PYROXD1: variants seen among roughly 807,000 people sequenced by gnomAD.
PYROXD1 encodes the protein pyridine nucleotide-disulphide oxidoreductase domain 1, also known as tRNA ligase complex-associated NAD(P)H dehydrogenase PYROXD1.
PYROXD1 carries 42 observed loss-of-function variants against 62.0 expected under a neutral mutation model. The ratio of observed to expected loss-of-function variants is 0.68; its 90% CI spans 0.53 to 0.88. The LOEUF (loss-of-function observed/expected upper bound fraction) is 0.88, where lower values mean the gene tolerates loss of function less well. PYROXD1 is among the 40% of genes least tolerant of loss of function. The probability of loss-of-function intolerance (pLI) is 0.00; values close to 1 mark genes in which losing one functional copy is unlikely to be tolerated. For missense variants in PYROXD1, 493 were observed against 604.8 expected, an observed-to-expected ratio of 0.82 and a Z score of 1.94; for synonymous variants, 170 against 206.4, an observed-to-expected ratio of 0.82 and a Z score of 1.51.
At chr12:21,439,338 A>G (rs1266384047) in intron 1 of PYROXD1, among the ~76,000 whole-genome samples, 1 of 152,272 alleles carries the variant, frequency 6.6e-6, no homozygotes. Flanking sequence ...TTTCAGTAGT[A>G]TAAAGAAGTT....
chr12:21,458,964 G>C (rs1942647545), intron 7 of PYROXD1, among the ~76,000 whole-genome samples: 1 of 152,184 alleles, frequency 6.6e-6, no homozygotes, highest in Admixed American at 6.5e-5. Context: ...CTTGATGTGG[G>C]TTTGTCACAA....
intron 7 of PYROXD1, among the ~76,000 whole-genome samples, chr12:21,459,144 A>G (rs1212521851): frequency 1.3e-5 from 2 of 152,220 alleles, no homozygotes; most frequent in Admixed American, 1.3e-4. Flanking sequence ...TGGCTTCAGA[A>G]TGGGGACTGG....
rs779670412 is a variant in PYROXD1, at chr12:21,467,635, T to C, written c.1254+17T>C. Reference sequence around the variant, plus strand: ...AACTATAAGGTAAGATAGTTAAGCATATTAATGCCTTCTCTGCTTGTTAGT... The same window carrying C: ...AACTATAAGGTAAGATAGTTAAGCACATTAATGCCTTCTCTGCTTGTTAGT... On this transcript the variant is annotated intron_variant, in intron 11 of 11. Transcript: ENST00000240651. 26 of 1,582,412 alleles carry C rather than the reference T, an allele frequency of 1.6e-5. No individual in the cohort carries two copies. The South Asian group carries it at 2.9e-4, about 18-fold the overall frequency.
rs7135390 is a variant in PYROXD1, at chr12:21,445,767, T to C, written c.285+301T>C. On this transcript the variant is annotated intron_variant, in intron 3 of 11. Coordinates refer to ENST00000240651, the MANE Select transcript of PYROXD1 (RefSeq NM_024854.5). Reference sequence around the variant, plus strand: ...ATGCAGTAGGGTTAATACGAGGTGTTGGCTCCTAGGAACTGTCAGTGTCAA... The same window carrying C: ...ATGCAGTAGGGTTAATACGAGGTGTCGGCTCCTAGGAACTGTCAGTGTCAA... Among the ~76,000 whole-genome samples, 94,938 of 151,984 alleles carry C rather than the reference T, an allele frequency of 0.62. 30,633 individuals carry two copies. The highest frequency in any genetic ancestry group is 0.8 in the African/African-American group (33,223 of 41,442).
intron 4 of PYROXD1, among the ~76,000 whole-genome samples, chr12:21,451,174 G>A (rs2215734): frequency 0.49 from 74,797 of 151,244 alleles, 18,529 homozygotes; most frequent in Middle Eastern, 0.58. Flanking sequence ...TGAAGCAGTG[G>A]GACTATTCTA....
intron 3 of PYROXD1, among the ~76,000 whole-genome samples, chr12:21,446,260 A>G (rs907911660): frequency 6.6e-6 from 1 of 152,074 alleles, no homozygotes; most frequent in African/African-American, 2.4e-5. Context: ...TGTCTCTACT[A>G]AAAATACAAA....
At chr12:21,457,236 A>C (rs1033884947) in intron 7 of PYROXD1, 2 of 200,348 alleles carry the variant, frequency 1.0e-5, no homozygotes, top group African/African-American at 4.7e-5. Context: ...ATGCATCACT[A>C]TCTGTGGCAG....
chr12:21,461,745 G>A lies in PYROXD1; in HGVS notation c.881-263G>A, dbSNP rs983268911. Among the ~76,000 whole-genome samples the A allele has an allele frequency of 2.0e-5, 3 of 152,132 alleles. No individual in the cohort carries two copies. The East Asian group carries it at 5.8e-4, about 29-fold the overall frequency. On this transcript the variant is annotated intron_variant, in intron 8 of 11. Transcript: ENST00000240651. Reference sequence around the variant, plus strand: ...TTTAGAAATAATTTAAATGTACTTTGTCAAAATTTATGTGTCCAAATTTGA... The same window carrying A: ...TTTAGAAATAATTTAAATGTACTTTATCAAAATTTATGTGTCCAAATTTGA...
At position 21,469,195 on chromosome 12, in the gene PYROXD1, T is replaced by C. The variant is rs1353825049; in HGVS notation, c.*441T>C. On this transcript the variant is annotated 3_prime_UTR_variant, in exon 12 of 12. Coordinates refer to ENST00000240651, the MANE Select transcript of PYROXD1 (RefSeq NM_024854.5). ...AGAGATGTAGCAATATCTCGTTTGC[T>C]AATATTTATATTGATGACTTACTCC... 2 of 162,808 alleles carry C rather than the reference T, an allele frequency of 1.2e-5. No individual in the cohort carries two copies. The highest frequency in any genetic ancestry group is 4.8e-5 in the African/African-American group (2 of 41,456). 10.1% of individuals were successfully genotyped at this position (162,808 alleles called of 1,614,324 possible). A position where few individuals can be genotyped will look rare whatever the true frequency, so the allele number is the denominator to read the frequency against.
At chr12:21,448,156 A>G in intron 3 of PYROXD1, 2 of 678,100 alleles carry the variant, frequency 2.9e-6, no homozygotes, top group South Asian at 1.5e-5. Flanking sequence ...CCATCAGATG[A>G]TATCAATTTC....
chr12:21,468,646 C>A lies in PYROXD1; in HGVS notation c.1395C>A (p.Thr465=). The stretch of plus-strand genomic sequence containing the variant: ...TGGGAGCTGTCTTAATTGGTGAAAC[C>A]GATTTAGAAGAAACATTTGAAAACC... ...RMMGAVLIGE[T]DLEETFENLI... The change falls in exon 12 of 12, where the codon ACC becomes ACA. Residue 465 remains threonine (T), a synonymous_variant. Transcript: ENST00000240651. 6.2e-7 allele frequency: 1 copy of A among 1,612,726 alleles called. No individual in the cohort carries two copies. The highest frequency in any genetic ancestry group is 8.5e-7 in the Non-Finnish European group (1 of 1,179,248).
chr12:21,460,517 G>A (rs898005171), intron 7 of PYROXD1, among the ~76,000 whole-genome samples: 8 of 151,372 alleles, frequency 5.3e-5, no homozygotes, highest in African/African-American at 1.2e-4. Context: ...TCTGCCTCCC[G>A]GGTTCAAGCG....
chr12:21,437,812 C>T lies in PYROXD1; in HGVS notation c.82C>T (p.Gln28Ter). ...GGIAGVTCAE[Q>*]LATHFPSEDI... ...CATCGCGGGCGTCACTTGTGCGGAG[C>T]AGGTAGGGCGGTGCTCAGGCGGTTC... The change falls in exon 1 of 12, where the codon CAG (glutamine) becomes TAG (stop). Residue 28 changes from glutamine to a stop codon, truncating the protein, a stop_gained and splice_region_variant. Transcript: ENST00000240651. LOFTEE classifies it high-confidence loss of function. 1 of 1,612,160 alleles carries T rather than the reference C, an allele frequency of 6.2e-7. No homozygotes were observed. Among genetic ancestry groups the T allele is most frequent in the South Asian group, 1.1e-5 (1 of 90,468 alleles).
chr12:21,444,936 G>A (rs770378660), intron 2 of PYROXD1, among the ~76,000 whole-genome samples: 25 of 152,212 alleles, frequency 1.6e-4, no homozygotes, highest in Non-Finnish European at 2.9e-4. Flanking sequence ...AGGAAAGTGA[G>A]TCTAGAATAC....
At chr12:21,464,692 T>C (rs982825596) in intron 10 of PYROXD1, among the ~76,000 whole-genome samples, 17 of 150,212 alleles carry the variant, frequency 1.1e-4, no homozygotes, top group African/African-American at 4.2e-4. Flanking sequence ...GATCTGTTGA[T>C]ATTAAAATCC....
Position 21,440,460 on chromosome 12 carries a change from T to C in PYROXD1, c.165+12T>C, listed in dbSNP as rs760969421. The C allele has an allele frequency of 6.8e-7, 1 of 1,467,286 alleles. No individual in the cohort carries two copies. The highest frequency in any genetic ancestry group is 9.4e-7 in the Non-Finnish European group (1 of 1,063,564). The allele number at this position is 1,467,286 out of a possible 1,614,324, so 90.9% of individuals were successfully genotyped here. Reference sequence around the variant, plus strand: ...CAAATTTCAAGCAGGTAAGAACCTTTGTATAACTTGTTAATATTAATTTGA... The same window carrying C: ...CAAATTTCAAGCAGGTAAGAACCTTCGTATAACTTGTTAATATTAATTTGA... On this transcript the variant is annotated intron_variant, in intron 2 of 11. Coordinates refer to ENST00000240651, the MANE Select transcript of PYROXD1 (RefSeq NM_024854.5).
chr12:21,452,030 T>C (rs1447803762), intron 4 of PYROXD1, 51 bp from the exon 5 acceptor site: 1 of 1,071,172 alleles, frequency 9.3e-7, no homozygotes, highest in Admixed American at 2.2e-5. Flanking sequence ...ATATTTCAGA[T>C]TATTGCCCAC....
intron 7 of PYROXD1, among the ~76,000 whole-genome samples, chr12:21,456,523 A>G (rs556370243): frequency 6.6e-6 from 1 of 152,338 alleles, no homozygotes; most frequent in African/African-American, 2.4e-5. Context: ...CAATGCACAT[A>G]ACGTTAATTT....
intron 10 of PYROXD1, among the ~76,000 whole-genome samples, chr12:21,467,010 T>G (rs905861599): frequency 3.9e-5 from 6 of 152,262 alleles, no homozygotes; most frequent in South Asian, 4.1e-4. Context: ...TGCTGAGATA[T>G]TTATGTTGTC....
Sources: allele counts gnomAD v4.1 joint callset (sites outside exome capture counted in the v4.1 genomes callset), GRCh38; gene constraint gnomAD v4.1.1; transcripts MANE v1.5; gene names NCBI Gene and HGNC (gene_info 2026-07-23, HGNC 2026-07-21).